PTPRC: variants seen among roughly 807,000 people sequenced by gnomAD.
PTPRC encodes the protein protein tyrosine phosphatase receptor type C, also known as receptor-type tyrosine-protein phosphatase C.
A neutral mutation model predicts 155.9 loss-of-function variants in PTPRC; 44 were observed. The ratio of observed to expected loss-of-function variants is 0.28; its 90% CI spans 0.22 to 0.36. The LOEUF (loss-of-function observed/expected upper bound fraction) is 0.36, where lower values mean the gene tolerates loss of function less well. Ranked by LOEUF, PTPRC falls within the 10% of genes least tolerant of loss-of-function variation. The pLI, the probability that PTPRC is intolerant of heterozygous loss-of-function variation, is 1.00. For synonymous variants in PTPRC, 525 were observed against 533.1 expected (o/e 0.98, Z 0.21); for missense variants, 1,401 against 1,564.6 (o/e 0.90, Z 1.76).
chr1:198,693,508 A>G (rs1666037615), intron 3 of PTPRC, among the ~76,000 whole-genome samples: 2 of 152,212 alleles, frequency 1.3e-5, no homozygotes, highest in African/African-American at 4.8e-5. Context: ...TGATTCTTTA[A>G]AATGACACAT....
chr1:198,742,383 T>C lies in PTPRC; in HGVS notation c.2697+16T>C. 1 of 1,611,374 alleles carries C rather than the reference T, an allele frequency of 6.2e-7. No individual in the cohort carries two copies. The highest frequency in any genetic ancestry group is 1.3e-5 in the African/African-American group (1 of 74,806). On this transcript the variant is annotated intron_variant, in intron 25 of 32. Transcript: ENST00000442510. Reference sequence around the variant, plus strand: ...TCAAGTAGAGGTATGTTCTAACCTTTAGTGATTATTCTCACTTTGGTTTTT... The same window carrying C: ...TCAAGTAGAGGTATGTTCTAACCTTCAGTGATTATTCTCACTTTGGTTTTT...
Position 198,728,464 on chromosome 1 carries a change from A to G in PTPRC, c.1829+16A>G, listed in dbSNP as rs1234637862. 4 of 1,610,042 alleles carry G rather than the reference A, an allele frequency of 2.5e-6. No individual in the cohort carries two copies. The Admixed American group carries it at 6.7e-5, about 27-fold the overall frequency. ...AAAGATCCTGGTAAGAGTTGATTTTAAATTTTTAAATAATAATGGTATTAG... is the reference window on the plus strand; with the variant it reads ...AAAGATCCTGGTAAGAGTTGATTTTGAATTTTTAAATAATAATGGTATTAG... On this transcript the variant is annotated intron_variant, in intron 16 of 32. Transcript: ENST00000442510.
chr1:198,645,069 G>A (rs1182807305), intron 2 of PTPRC, among the ~76,000 whole-genome samples: 1 of 151,702 alleles, frequency 6.6e-6, no homozygotes, highest in Non-Finnish European at 1.5e-5. Flanking sequence ...CTCCAAAATA[G>A]GGATTTGCTA....
At chr1:198,748,925 C>A (rs1159847177) in intron 27 of PTPRC, among the ~76,000 whole-genome samples, 1 of 151,380 alleles carries the variant, frequency 6.6e-6, no homozygotes, top group East Asian at 1.9e-4. Flanking sequence ...AATCATTTGA[C>A]CAAGTTATTA....
At chr1:198,739,049 C>T (rs149561313) in intron 23 of PTPRC, among the ~76,000 whole-genome samples, 41 of 151,340 alleles carry the variant, frequency 2.7e-4, no homozygotes, top group African/African-American at 9.7e-4. Context: ...GATATGATAA[C>T]CCCAAATCCA....
intron 5 of PTPRC, chr1:198,700,010 G>A: frequency 2.2e-6 from 1 of 464,714 alleles, no homozygotes; most frequent in Admixed American, 3.5e-5. Flanking sequence ...CTTTTTGTTA[G>A]AAGTAAGAAA....
At chr1:198,638,918 C>T (rs1662410598), upstream of PTPRC, 1 of 230,160 alleles carries the variant, frequency 4.3e-6, no homozygotes, top group South Asian at 6.8e-5. Context: ...GGCTTTCTAA[C>T]TTGGTGTAAT....
rs184324661 is a variant in PTPRC at position 198,714,092 on chromosome 1, A to G, written c.1291+1020A>G. 2.6e-5 allele frequency among the ~76,000 whole-genome samples: 4 copies of G among 152,302 alleles called. No individual in the cohort carries two copies. In the East Asian group the frequency reaches 5.8e-4, roughly 22 times the overall value. On this transcript the variant is annotated intron_variant, in intron 12 of 32. Transcript: ENST00000442510. ...AAGTTAAGTCTATGTGGAAGGAAAA[A>G]TGGAAATTCCAGGAAGATAAAACAG...
In PTPRC at chr1:198,756,703, T is replaced by C. The variant is rs1172701683; in HGVS notation, c.*522T>C. ...TATATATCTATCTTATATAGTTTAC[T>C]ATTTTACTTCTAGAGATAGTACATA... On this transcript the variant is annotated 3_prime_UTR_variant, in exon 33 of 33. Transcript: ENST00000442510. 1 of 153,304 alleles carries C rather than the reference T, an allele frequency of 6.5e-6. No homozygotes were observed. The highest frequency in any genetic ancestry group is 2.4e-5 in the African/African-American group (1 of 41,406). The allele number at this position is 153,304 out of a possible 1,614,324, so 9.5% of individuals were successfully genotyped here.
intron 2 of PTPRC, among the ~76,000 whole-genome samples, chr1:198,678,144 A>G (rs921338888): frequency 6.6e-6 from 1 of 152,244 alleles, no homozygotes; most frequent in Non-Finnish European, 1.5e-5. Context: ...CATAGGCACA[A>G]ACTATAGCAA....
chr1:198,677,596 TC>T (rs1463752204), intron 2 of PTPRC, among the ~76,000 whole-genome samples: 1 of 152,048 alleles, frequency 6.6e-6, no homozygotes, highest in Non-Finnish European at 1.5e-5. Context: ...GCATTCTTCC[TC>T]CCTGCTTCCA....
chr1:198,661,712 C>T (rs1032123319), intron 2 of PTPRC, among the ~76,000 whole-genome samples: 2 of 152,058 alleles, frequency 1.3e-5, no homozygotes, highest in East Asian at 1.9e-4. Context: ...ACCACTGATA[C>T]GCCAACAAGA....
chr1:198,648,946 G>GT (rs778299260), intron 2 of PTPRC, among the ~76,000 whole-genome samples: 2 of 151,770 alleles, frequency 1.3e-5, no homozygotes, highest in Non-Finnish European at 2.9e-5. Flanking sequence ...TGCAAGGGAA[G>GT]TAACTTGACC....
chr1:198,679,813 T>C (rs920740301), intron 2 of PTPRC: 2 of 552,668 alleles, frequency 3.6e-6, no homozygotes, highest in Admixed American at 2.9e-5. Context: ...GTATTGGGGC[T>C]TCTTCCTGCC....
chr1:198,728,772 G>A (rs1654257970), intron 16 of PTPRC, among the ~76,000 whole-genome samples: 1 of 152,146 alleles, frequency 6.6e-6, no homozygotes, highest in South Asian at 2.1e-4. Flanking sequence ...AAAGGAGGGA[G>A]ATGTCTGGGG....
chr1:198,707,572 A>T (rs1653052527), intron 9 of PTPRC, among the ~76,000 whole-genome samples: 1 of 152,200 alleles, frequency 6.6e-6, no homozygotes, highest in Admixed American at 6.5e-5. Flanking sequence ...ATAATTCAAG[A>T]CTATTAATAA....
chr1:198,681,229 A>G (rs1046160827), intron 2 of PTPRC, among the ~76,000 whole-genome samples: 1 of 152,176 alleles, frequency 6.6e-6, no homozygotes, highest in Non-Finnish European at 1.5e-5. Flanking sequence ...AATATTTTCT[A>G]TCTTATGAAA....
At chr1:198,706,402 T>C (rs1652970532) in intron 8 of PTPRC, among the ~76,000 whole-genome samples, 1 of 152,046 alleles carries the variant, frequency 6.6e-6, no homozygotes, top group African/African-American at 2.4e-5. Flanking sequence ...AACTAGTGAG[T>C]TCCCATTAAT....
chr1:198,702,651 T>C, intron 6 of PTPRC, 121 bp downstream of exon 6: 1 of 1,359,900 alleles, frequency 7.4e-7, no homozygotes, highest in Non-Finnish European at 1.0e-6. Context: ...ATTTTACAAA[T>C]GTTCACGTAT....
Sources: gnomAD v4.1 joint callset for allele counts (sites outside exome capture counted in the v4.1 genomes callset) on GRCh38, gnomAD v4.1.1 for gene constraint, MANE v1.5 for transcripts, NCBI Gene and HGNC (gene_info 2026-07-23, HGNC 2026-07-21) for gene names.